GABRA5: variants seen among roughly 807,000 people sequenced by gnomAD.
GABRA5 encodes gamma-aminobutyric acid receptor subunit alpha-5.
A neutral mutation model predicts 47.3 loss-of-function variants in GABRA5; 18 were observed. The observed-to-expected ratio is 0.38, with a 90% confidence interval of 0.26 to 0.56. The LOEUF (loss-of-function observed/expected upper bound fraction) is 0.56. GABRA5 is among the 20% of genes least tolerant of loss of function. The probability of loss-of-function intolerance (pLI) is 0.71; values close to 1 mark genes in which losing one functional copy is unlikely to be tolerated. For missense variants in GABRA5, 365 were observed against 599.3 expected, an observed-to-expected ratio of 0.61 and a Z score of 4.08; for synonymous variants, 237 against 229.3, an observed-to-expected ratio of 1.03 and a Z score of -0.30.
intron 6 of GABRA5, among the ~76,000 whole-genome samples, chr15:26,908,333 C>T (rs1392994950): frequency 6.6e-6 from 1 of 152,126 alleles, no homozygotes; most frequent in African/African-American, 2.4e-5. Flanking sequence ...GGATGTGACT[C>T]AGGTGTAGAG....
intron 6 of GABRA5, among the ~76,000 whole-genome samples, chr15:26,897,452 C>G (rs964482718): frequency 2.9e-4 from 44 of 152,240 alleles, no homozygotes; most frequent in African/African-American, 8.7e-4. Context: ...AGACTTCTAC[C>G]TCCAGAACTG....
chr15:26,887,817 AATACAGACTGATACGTGTATTCAGT>A (rs1466009471), intron 6 of GABRA5, among the ~76,000 whole-genome samples: 1 of 152,208 alleles, frequency 6.6e-6, no homozygotes, highest in Non-Finnish European at 1.5e-5. Flanking sequence ...ATCTAGATGA[AATACAGACTGATACGTGTATTCAGT>A]GTATAATGAT....
At chr15:26,896,066 A>G (rs1893185715) in intron 6 of GABRA5, among the ~76,000 whole-genome samples, 1 of 152,086 alleles carries the variant, frequency 6.6e-6, no homozygotes, top group African/African-American at 2.4e-5. Flanking sequence ...CCCACCCTTC[A>G]GTCATTCCCT....
In GABRA5 at chr15:26,943,535, C is replaced by T. The variant is rs1894438490; in HGVS notation, c.1089+109C>T. The T allele has an allele frequency of 4.1e-6, 4 of 963,900 alleles. No homozygotes were observed. In the South Asian group the frequency reaches 4.6e-5, roughly 11 times the overall value. 59.7% of individuals were successfully genotyped at this position (963,900 alleles called of 1,614,324 possible). The stretch of plus-strand genomic sequence containing the variant: ...CTGCTCCTTCCTACCCGCCAGCCCC[C>T]GAATGCTCCTTTCCTCATATTCAAG... On this transcript the variant is annotated intron_variant, in intron 10 of 10. Transcript: ENST00000335625.
chr15:26,910,624 T>G (rs1893558980), intron 6 of GABRA5, among the ~76,000 whole-genome samples: 1 of 151,908 alleles, frequency 6.6e-6, no homozygotes, highest in East Asian at 1.9e-4. Context: ...TCCCATTTCC[T>G]TATCCTAAAA....
intron 10 of GABRA5, among the ~76,000 whole-genome samples, chr15:26,946,051 C>A (rs1894502222): frequency 6.6e-6 from 1 of 152,208 alleles, no homozygotes; most frequent in African/African-American, 2.4e-5. Flanking sequence ...CCGCCTCCCT[C>A]AAGCTCCCGC....
At chr15:26,884,467 T>C (rs1489338263) in intron 6 of GABRA5, among the ~76,000 whole-genome samples, 1 of 152,124 alleles carries the variant, frequency 6.6e-6, no homozygotes, top group Non-Finnish European at 1.5e-5. Flanking sequence ...TCAGAAAATA[T>C]TTTTTAAATT....
chr15:26,930,445 C>T (rs1160483797), intron 7 of GABRA5, among the ~76,000 whole-genome samples: 1 of 152,190 alleles, frequency 6.6e-6, no homozygotes, highest in Non-Finnish European at 1.5e-5. Context: ...TCCATTACTC[C>T]TAGTTCCACC....
chr15:26,888,872 G>C (rs1263537523), intron 6 of GABRA5, among the ~76,000 whole-genome samples: 1 of 152,180 alleles, frequency 6.6e-6, no homozygotes, highest in Non-Finnish European at 1.5e-5. Flanking sequence ...CCCCCCGGTA[G>C]GCTCTTGTGT....
rs567467082 is a variant in GABRA5, at chr15:26,925,038, A to G, written c.580+10153A>G. On this transcript the variant is annotated intron_variant, in intron 7 of 10. Transcript: ENST00000335625. Reference sequence around the variant, plus strand: ...TTATAAATATAAATATATGATATTTATTTTTAGTGGGAGGAATAGAGGAAA... The same window carrying G: ...TTATAAATATAAATATATGATATTTGTTTTTAGTGGGAGGAATAGAGGAAA... Among the ~76,000 whole-genome samples, 5 of 152,038 alleles carry G rather than the reference A, an allele frequency of 3.3e-5. No homozygotes were observed. In the South Asian group the frequency reaches 1.0e-3, roughly 32 times the overall value.
At chr15:26,897,703 A>T (rs930849279) in intron 6 of GABRA5, among the ~76,000 whole-genome samples, 1 of 152,166 alleles carries the variant, frequency 6.6e-6, no homozygotes, top group Admixed American at 6.5e-5. Context: ...AATCATAGAG[A>T]GGGTGGAACA....
chr15:26,901,263 G>C (rs776733010), intron 6 of GABRA5, among the ~76,000 whole-genome samples: 1 of 152,136 alleles, frequency 6.6e-6, no homozygotes, highest in South Asian at 2.1e-4. Context: ...GAACCAATTT[G>C]CATTCACGTC....
Position 26,937,231 on chromosome 15 carries a change from C to T in GABRA5, c.627C>T (p.Ser209=). The T allele has an allele frequency of 1.2e-6, 2 of 1,613,980 alleles. No homozygotes were observed. Among genetic ancestry groups the T allele is most frequent in the Non-Finnish European group, 1.7e-6 (2 of 1,179,848 alleles). The stretch of plus-strand genomic sequence containing the variant: ...TCGTTTACGTCTGGACCAACGGCTC[C>T]ACCAAGTCGGTGGTGGTGGCGGAAG... ...SEVVYVWTNG[S]TKSVVVAEDG... Residue 209 remains serine, a synonymous_variant, in exon 8 of 11, where the codon TCC becomes TCT. Transcript: ENST00000335625.
chr15:26,918,748 T>G (rs1893773871), intron 7 of GABRA5, among the ~76,000 whole-genome samples: 1 of 152,224 alleles, frequency 6.6e-6, no homozygotes, highest in Admixed American at 6.5e-5. Context: ...TTATTTTGTC[T>G]TATGTAAATA....
intron 6 of GABRA5, among the ~76,000 whole-genome samples, chr15:26,895,163 G>T (rs1387070089): frequency 6.6e-6 from 1 of 151,842 alleles, no homozygotes; most frequent in Non-Finnish European, 1.5e-5. Flanking sequence ...CGCCCACCAC[G>T]TCCTGACCCC....
Position 26,885,068 on chromosome 15 carries a change from G to A in GABRA5, c.497+1511G>A, listed in dbSNP as rs191113075. 3.6e-3 allele frequency among the ~76,000 whole-genome samples: 550 copies of A among 152,158 alleles called. 4 individuals carry two copies. The highest frequency in any genetic ancestry group is 0.012 in the African/African-American group (513 of 41,520). ...TCCCAGCACTTTGGGAGGCCGAGGC[G>A]GGAGGATCACGAGATCAGGAGATCG... On this transcript the variant is annotated intron_variant, in intron 6 of 10. Coordinates refer to ENST00000335625, the MANE Select transcript of GABRA5 (RefSeq NM_000810.4).
Position 26,867,761 on chromosome 15 carries a change from G to C in GABRA5, c.-140+650G>C, listed in dbSNP as rs1186207112. ...CAGCCCCGGGGCTCTGAGGCGCGCGGCGTCCCGGCGCTGCTCGCGGGGTGG... is the reference window on the plus strand; with the variant it reads ...CAGCCCCGGGGCTCTGAGGCGCGCGCCGTCCCGGCGCTGCTCGCGGGGTGG... On this transcript the variant is annotated intron_variant, in intron 1 of 10. Coordinates refer to ENST00000335625, the MANE Select transcript of GABRA5 (RefSeq NM_000810.4). The surrounding 1 kb of genome is among the most constrained non-coding windows in gnomAD (Gnocchi z 5.9). 7 of 152,106 alleles carry C rather than the reference G, an allele frequency of 4.6e-5. No individual in the cohort carries two copies. The East Asian group carries it at 7.9e-4, about 17-fold the overall frequency. 9.4% of individuals were successfully genotyped at this position (152,106 alleles called of 1,614,324 possible).
intron 6 of GABRA5, among the ~76,000 whole-genome samples, chr15:26,891,340 C>T (rs749120780): frequency 5.9e-4 from 90 of 152,316 alleles, no homozygotes; most frequent in Non-Finnish European, 6.8e-4. Context: ...TTGGTAGTAT[C>T]TTTATCGTCC....
chr15:26,909,100 CA>C (rs1222168119), intron 6 of GABRA5, among the ~76,000 whole-genome samples: 1 of 152,166 alleles, frequency 6.6e-6, no homozygotes, highest in African/African-American at 2.4e-5. Flanking sequence ...GTCTGAAATG[CA>C]GCTGTGGGCA....
Sources: allele counts gnomAD v4.1 joint callset (sites outside exome capture counted in the v4.1 genomes callset), GRCh38; gene constraint gnomAD v4.1.1; non-coding constraint Gnocchi (gnomAD v3.1); transcripts MANE v1.5; gene names NCBI Gene and HGNC (gene_info 2026-07-23, HGNC 2026-07-21).